SLFN14: variants seen among roughly 807,000 people sequenced by gnomAD.
SLFN14 encodes the protein schlafen family member 14.
SLFN14 carries 47 observed loss-of-function variants against 58.6 expected under a neutral mutation model. The observed-to-expected ratio is 0.80, with a 90% CI of 0.64 to 1.02. SLFN14 has a LOEUF of 1.02. Ranked by LOEUF, SLFN14 falls within the 50% of genes least tolerant of loss-of-function variation. SLFN14 has a pLI of 0.00. For synonymous variants in SLFN14, 390 were observed against 387.3 expected, an observed-to-expected ratio of 1.01 and a Z score of -0.08; for missense variants, 967 against 1,078.4, an observed-to-expected ratio of 0.90 and a Z score of 1.45.
At chr17:35,556,600 A>G (rs1313614647) in intron 3 of SLFN14, among the ~76,000 whole-genome samples, 1 of 152,170 alleles carries the variant, frequency 6.6e-6, no homozygotes, top group East Asian at 1.9e-4. Context: ...AGCCTGGGCA[A>G]CATGGCAAAA....
chr17:35,551,337 C>T (rs2072584411), intron 5 of SLFN14, among the ~76,000 whole-genome samples: 1 of 152,172 alleles, frequency 6.6e-6, no homozygotes, highest in African/African-American at 2.4e-5. Context: ...CACGAATAGT[C>T]TGCCTACCCT....
intron 2 of SLFN14, 111 bp from the exon 3 acceptor site, chr17:35,558,217 C>T: frequency 2.7e-6 from 2 of 730,826 alleles, no homozygotes; most frequent in Non-Finnish European, 4.4e-6. Context: ...TGGAAGTCAT[C>T]TCTCTCTATA....
In SLFN14 at chr17:35,553,046, G is replaced by A. The variant is rs2072611606; in HGVS notation, c.1588C>T (p.Pro530Ser). Residue 530 changes from proline to serine, a missense_variant, in exon 5 of 6, where the codon CCC becomes TCC. Pro to Ser is a moderately conservative substitution (Grantham distance 74, BLOSUM62 -1). Coordinates refer to ENST00000674182, the MANE Select transcript of SLFN14 (RefSeq NM_001129820.2). The part of the protein sequence containing the change: ...SRPGEIPLRY[P>S]RSYRLADEEE... The stretch of plus-strand genomic sequence containing the variant: ...TCATCAGCAAGCCTGTAGGACCTGG[G>A]GTAACGCAGGGGGATCTCACCAGGT... 1.9e-6 allele frequency: 3 copies of A among 1,551,454 alleles called. No individual in the cohort carries two copies. The highest frequency in any genetic ancestry group is 2.4e-5 in the East Asian group (1 of 40,924).
In SLFN14 at chr17:35,546,363, T is replaced by C. The variant is rs2072534619; in HGVS notation, c.*1876A>G. Among the ~76,000 whole-genome samples the C allele has an allele frequency of 6.6e-6, 1 of 152,174 alleles. No homozygotes were observed. Among genetic ancestry groups the C allele is most frequent in the South Asian group, 2.1e-4 (1 of 4,836 alleles). On this transcript the variant is annotated 3_prime_UTR_variant, in exon 6 of 6. Transcript: ENST00000674182. ...TAGGAAGCAAGGGAGAGGTTTTTCT[T>C]TTCAACCCGTGCCTAGGTACAGACT...
chr17:35,549,246 G>A (rs1313349390), intron 5 of SLFN14, among the ~76,000 whole-genome samples, 173 bp from the exon 6 acceptor site: 1 of 152,192 alleles, frequency 6.6e-6, no homozygotes, highest in East Asian at 1.9e-4. Flanking sequence ...CAGACAGAAT[G>A]CATAATTTTA....
intron 3 of SLFN14, 46 bp from the exon 4 acceptor site, chr17:35,554,750 TAA>T (rs10578465): frequency 0.023 from 23,360 of 1,029,490 alleles, 18 homozygotes; most frequent in East Asian, 0.026. Flanking sequence ...AATAAAAAGT[TAA>T]AAAAAAAAAA....
At position 35,554,603 on chromosome 17, in the gene SLFN14, C is replaced by T. The variant is rs2072631363; in HGVS notation, c.1162G>A (p.Glu388Lys). 1.3e-6 allele frequency: 2 copies of T among 1,536,434 alleles called. No homozygotes were observed. The highest frequency in any genetic ancestry group is 1.8e-6 in the Non-Finnish European group (2 of 1,140,264). Residue 388 changes from glutamate (E) to lysine (K), a missense_variant, in exon 4 of 6, where the codon GAG becomes AAG. Coordinates refer to ENST00000674182, the MANE Select transcript of SLFN14 (RefSeq NM_001129820.2). ...GYPIKVHKFK[E>K]ALQRHLFPVT... Reference sequence around the variant, plus strand: ...GGAAACAAATGTCGTTGCAGAGCCTCCTTAAATTTGTGGACTTTTATGGGA... The same window carrying T: ...GGAAACAAATGTCGTTGCAGAGCCTTCTTAAATTTGTGGACTTTTATGGGA...
At position 35,552,729 on chromosome 17, in the gene SLFN14, C is replaced by A. The variant is rs552439070; in HGVS notation, c.1904+1G>T. On this transcript the variant is annotated splice_donor_variant, in intron 5 of 5. Coordinates refer to ENST00000674182, the MANE Select transcript of SLFN14 (RefSeq NM_001129820.2). LOFTEE classifies it high-confidence loss of function. ...GTGTGTGTAGTTGGTAAAACTCTTACGTCACAAAATCCTTTAGGGAGTCGC... is the reference window on the plus strand; with the variant it reads ...GTGTGTGTAGTTGGTAAAACTCTTAAGTCACAAAATCCTTTAGGGAGTCGC... The A allele has an allele frequency of 1.8e-5, 28 of 1,537,966 alleles. No individual in the cohort carries two copies. The Middle Eastern group carries it at 3.7e-3, about 205-fold the overall frequency.
Position 35,548,731 on chromosome 17 carries a change from G to T in SLFN14, c.2247C>A (p.Ile749=). 2 of 1,551,646 alleles carry T rather than the reference G, an allele frequency of 1.3e-6. No individual in the cohort carries two copies. The highest frequency in any genetic ancestry group is 2.4e-5 in the South Asian group (2 of 84,052). The change falls in exon 6 of 6, where the codon ATC becomes ATA. Residue 749 remains isoleucine (I), a synonymous_variant. Coordinates refer to ENST00000674182, the MANE Select transcript of SLFN14 (RefSeq NM_001129820.2). ...AKVMKEEMKR[I]KENPPSNMSP... ...ACATGTTGGAGGGAGGATTTTCTTT[G>T]ATCCTCTTCATTTCTTCTTTCATAA...
intron 3 of SLFN14, among the ~76,000 whole-genome samples, chr17:35,555,223 T>A (rs1025714330): frequency 5.3e-5 from 8 of 151,832 alleles, no homozygotes; most frequent in East Asian, 3.9e-4. Flanking sequence ...ACAAAAAAAA[T>A]TAGCCAGGCA....
At chr17:35,551,785 G>T (rs141643195) in intron 5 of SLFN14, among the ~76,000 whole-genome samples, 1 of 86,216 alleles carries the variant, frequency 1.2e-5, no homozygotes, top group African/African-American at 6.5e-5. Context: ...TAATCAATCC[G>T]GAATCGTCAC....
chr17:35,552,968 T>C lies in SLFN14; in HGVS notation c.1666A>G (p.Arg556Gly). ...QALVVVSLSS[R>G]SLLSDQMGCE... ...CCCATCTGGTCACTCAGAAGAGATC[T>C]GGAGGACAGGGAGACCACCACCAGA... Residue 556 changes from arginine (R) to glycine (G), a missense_variant, in exon 5 of 6, where the codon AGA (arginine) becomes GGA (glycine). Physicochemically the swap from Arg to Gly is moderately radical, Grantham distance 125 (BLOSUM62 -2). Transcript: ENST00000674182. 1 of 1,551,612 alleles carries C rather than the reference T, an allele frequency of 6.4e-7. No individual in the cohort carries two copies. The highest frequency in any genetic ancestry group is 8.7e-7 in the Non-Finnish European group (1 of 1,146,980).
intron 5 of SLFN14, among the ~76,000 whole-genome samples, chr17:35,550,042 C>T (rs1407330190): frequency 6.6e-6 from 1 of 152,216 alleles, no homozygotes; most frequent in African/African-American, 2.4e-5. Context: ...TCCTTTTCAA[C>T]ATCACCACCT....
Position 35,553,386 on chromosome 17 carries a change from A to T in SLFN14, c.1248T>A (p.Asp416Glu). 2 of 1,551,566 alleles carry T rather than the reference A, an allele frequency of 1.3e-6. No homozygotes were observed. Among genetic ancestry groups the T allele is most frequent in the Non-Finnish European group, 1.7e-6 (2 of 1,146,942 alleles). ...PESLCKKLFSDHKELEGLMKT... is the reference protein window; with the variant it reads ...PESLCKKLFSEHKELEGLMKT... ...TCATTAAACCCTCCAGTTCTTTATG[A>T]TCTGAGAACAGCTTCTTACAGAGGG... The change falls in exon 5 of 6, where the codon GAT (aspartate) becomes GAA (glutamate). Residue 416 changes from aspartate to glutamate, a missense_variant. Transcript: ENST00000674182.
Position 35,548,201 on chromosome 17 carries a change from C to T in SLFN14, c.*38G>A. The T allele has an allele frequency of 6.5e-7, 1 of 1,529,422 alleles. No homozygotes were observed. 94.7% of individuals were successfully genotyped at this position (1,529,422 alleles called of 1,614,324 possible). On this transcript the variant is annotated 3_prime_UTR_variant, in exon 6 of 6. Coordinates refer to ENST00000674182, the MANE Select transcript of SLFN14 (RefSeq NM_001129820.2). The stretch of plus-strand genomic sequence containing the variant: ...TGCTACCTGTCTAGGAGAAAGGACT[C>T]TGCTCTTCCTGTCTTCCTCTATTAT...
chr17:35,553,016 C>T lies in SLFN14; in HGVS notation c.1618G>A (p.Glu540Lys). Residue 540 changes from glutamate to lysine, a missense_variant, in exon 5 of 6, where the codon GAA becomes AAA. Transcript: ENST00000674182. ...AGAGCCTGCAGCAAGTCTTCCATTT[C>T]CTCCTCATCAGCAAGCCTGTAGGAC... ...PRSYRLADEE[E>K]MEDLLQALVV... The T allele has an allele frequency of 6.4e-7, 1 of 1,551,654 alleles. No homozygotes were observed. Among genetic ancestry groups the T allele is most frequent in the Non-Finnish European group, 8.7e-7 (1 of 1,146,996 alleles).
Position 35,554,696 on chromosome 17 carries a change from T to C in SLFN14, c.1069A>G (p.Ser357Gly). 7.0e-7 allele frequency: 1 copy of C among 1,436,882 alleles called. No homozygotes were observed. The highest frequency in any genetic ancestry group is 1.5e-5 in the South Asian group (1 of 65,944). 89.0% of individuals were successfully genotyped at this position (1,436,882 alleles called of 1,614,324 possible). A position where few individuals can be genotyped will look rare whatever the true frequency, so the allele number is the denominator to read the frequency against. Reference sequence around the variant, plus strand: ...CAAGAGTTGTAGTCTGTGACCAAACTGGGAGGAGCTAGACAATTACATGGA... The same window carrying C: ...CAAGAGTTGTAGTCTGTGACCAAACCGGGAGGAGCTAGACAATTACATGGA... ...MMLDTQSAPP[S>G]LVTDYNSCLI... Residue 357 changes from serine to glycine, a missense_variant, in exon 4 of 6, where the codon AGT (serine) becomes GGT (glycine). Transcript: ENST00000674182.
intron 3 of SLFN14, among the ~76,000 whole-genome samples, chr17:35,555,083 A>G (rs1276406806): frequency 6.6e-6 from 1 of 152,160 alleles, no homozygotes; most frequent in African/African-American, 2.4e-5. Context: ...TATTTTAAAA[A>G]TGGTGTTGGC....
intron 4 of SLFN14, 176 bp from the exon 5 acceptor site, chr17:35,553,620 G>A (rs1470063759): frequency 3.3e-6 from 2 of 599,018 alleles, no homozygotes; most frequent in Non-Finnish European, 5.7e-6. Context: ...CATCCCCACG[G>A]ACATTTGGCA....
Sources: allele counts gnomAD v4.1 joint callset (sites outside exome capture counted in the v4.1 genomes callset), GRCh38; gene constraint gnomAD v4.1.1; transcripts MANE v1.5; gene names NCBI Gene and HGNC (gene_info 2026-07-23, HGNC 2026-07-21).